OTUB2: variants seen among roughly 807,000 people sequenced by gnomAD.
OTUB2 encodes the protein OTU deubiquitinase, ubiquitin aldehyde binding 2, also known as ubiquitin thioesterase OTUB2.
Under a neutral mutation model 25.1 loss-of-function variants are expected in OTUB2, and 21 were observed. The observed-to-expected ratio is 0.84, with a 90% confidence interval of 0.59 to 1.21. The LOEUF (loss-of-function observed/expected upper bound fraction) is 1.21. Among genes scored for constraint, OTUB2 ranks in the 50% most tolerant of loss-of-function variants. OTUB2 has a pLI of 0.00. For missense variants in OTUB2, 283 were observed against 298.0 expected (o/e 0.95, Z 0.37); for synonymous variants, 122 against 122.8 (o/e 0.99, Z 0.04).
intron 1 of OTUB2, 123 bp downstream of exon 1, chr14:94,026,663 C>G (rs1250018041): frequency 9.4e-6 from 10 of 1,066,210 alleles, no homozygotes; most frequent in Non-Finnish European, 1.2e-5. Flanking sequence ...CCAGCTCGCC[C>G]CCGCCGCTTT....
At chr14:94,033,707 G>A (rs1469397374) in intron 1 of OTUB2, among the ~76,000 whole-genome samples, 2 of 152,234 alleles carry the variant, frequency 1.3e-5, no homozygotes, top group Non-Finnish European at 2.9e-5. Flanking sequence ...CAGAGGGTGC[G>A]TGAGTGGGAA....
Position 94,046,349 on chromosome 14 carries a change from T to C in OTUB2, c.*427T>C, listed in dbSNP as rs1426788383. On this transcript the variant is annotated 3_prime_UTR_variant, in exon 6 of 6. Coordinates refer to ENST00000203664, the MANE Select transcript of OTUB2 (RefSeq NM_023112.4). The stretch of plus-strand genomic sequence containing the variant: ...GGTTAGCTGTCTTAACCCAAGTGAC[T>C]TACCAGGCCTACAAAAGAGTCCAGT... 1 of 228,982 alleles carries C rather than the reference T, an allele frequency of 4.4e-6. No individual in the cohort carries two copies. The highest frequency in any genetic ancestry group is 9.7e-5 in the East Asian group (1 of 10,272). The allele number at this position is 228,982 out of a possible 1,614,324, so 14.2% of individuals were successfully genotyped here.
At chr14:94,045,624 G>A in intron 5 of OTUB2, 92 bp from the exon 6 acceptor site, 5 of 1,282,310 alleles carry the variant, frequency 3.9e-6, no homozygotes, top group Non-Finnish European at 4.4e-6. Context: ...CACAGAGGCT[G>A]TGACCATGAC....
intron 5 of OTUB2, 52 bp from the exon 6 acceptor site, chr14:94,045,664 C>A: frequency 6.4e-6 from 10 of 1,569,058 alleles, no homozygotes; most frequent in Non-Finnish European, 8.7e-6. Flanking sequence ...CTCACTTGTC[C>A]TCTGCCAGGC....
chr14:94,043,869 T>G, intron 3 of OTUB2, 102 bp from the exon 4 acceptor site: 49 of 1,022,494 alleles, frequency 4.8e-5, no homozygotes, highest in Non-Finnish European at 6.8e-5. Flanking sequence ...GGACTAGAGA[T>G]GAGGTTGGTG....
chr14:94,037,665 ATT>A (rs34432698), intron 2 of OTUB2, among the ~76,000 whole-genome samples, 190 bp downstream of exon 2: 2 of 150,142 alleles, frequency 1.3e-5, no homozygotes, highest in African/African-American at 4.9e-5. Context: ...AAAAAAAAGG[ATT>A]TTTTTTTGTT....
At chr14:94,043,198 TG>T (rs1351114553) in intron 3 of OTUB2, among the ~76,000 whole-genome samples, 1 of 152,206 alleles carries the variant, frequency 6.6e-6, no homozygotes, top group African/African-American at 2.4e-5. Flanking sequence ...TGTATTCCCT[TG>T]TGAACCTTCT....
intron 1 of OTUB2, among the ~76,000 whole-genome samples, chr14:94,026,777 C>T (rs553622672): frequency 1.3e-5 from 2 of 152,310 alleles, no homozygotes; most frequent in East Asian, 1.9e-4. Flanking sequence ...GGCCCCGAGC[C>T]CCCGCCCCCA....
chr14:94,027,278 C>A (rs1159870927), intron 1 of OTUB2, among the ~76,000 whole-genome samples: 2 of 152,194 alleles, frequency 1.3e-5, no homozygotes, highest in Middle Eastern at 3.2e-3. Flanking sequence ...GGGCTTGAAC[C>A]CAGGCTCTGG....
At chr14:94,034,538 T>A (rs1885015601) in intron 1 of OTUB2, among the ~76,000 whole-genome samples, 1 of 152,232 alleles carries the variant, frequency 6.6e-6, no homozygotes, top group Non-Finnish European at 1.5e-5. Context: ...CCTGACCTTG[T>A]CAGTAGAATG....
rs760251668 is a variant in OTUB2, at chr14:94,037,461, C to G, written c.85C>G (p.Arg29Gly). 1.9e-6 allele frequency: 3 copies of G among 1,599,572 alleles called. No individual in the cohort carries two copies. The highest frequency in any genetic ancestry group is 2.6e-6 in the Non-Finnish European group (3 of 1,167,592). The part of the protein sequence containing the change: ...LRDHPENRIY[R>G]RKIEELSKRF... The stretch of plus-strand genomic sequence containing the variant: ...GGACCATCCTGAAAACAGGATTTAC[C>G]GGAGGAAAATCGAGGTGAGGCAGAG... Residue 29 changes from arginine to glycine, a missense_variant, in exon 2 of 6, where the codon CGG (arginine) becomes GGG (glycine). By Grantham distance (125) the Arg-to-Gly change is moderately radical. Transcript: ENST00000203664.
chr14:94,038,240 C>T (rs531546219), intron 2 of OTUB2, among the ~76,000 whole-genome samples: 21 of 152,220 alleles, frequency 1.4e-4, no homozygotes, highest in Non-Finnish European at 2.5e-4. Context: ...ATCCGAACGC[C>T]GCTGCGGGGC....
intron 3 of OTUB2, among the ~76,000 whole-genome samples, chr14:94,040,446 T>C (rs894578537): frequency 2.0e-5 from 3 of 152,228 alleles, no homozygotes; most frequent in Non-Finnish European, 4.4e-5. Context: ...GACCTCACTC[T>C]CTTGCTTACT....
chr14:94,036,592 C>T (rs989482715), intron 1 of OTUB2, among the ~76,000 whole-genome samples: 2 of 152,188 alleles, frequency 1.3e-5, no homozygotes, highest in African/African-American at 2.4e-5. Flanking sequence ...CTGCAGTTTC[C>T]TTCACCCTGA....
Position 94,033,760 on chromosome 14 carries a change from G to T in OTUB2, c.4-3620G>T, listed in dbSNP as rs534446755. ...GTGCGCTTGTTTTTCAGTATTACCT[G>T]TTTGTCCTCTTACCATCCACACAAG... On this transcript the variant is annotated intron_variant, in intron 1 of 5. Transcript: ENST00000203664. Among the ~76,000 whole-genome samples the T allele has an allele frequency of 3.5e-3, 540 of 152,306 alleles. 6 individuals carry two copies. The highest frequency in any genetic ancestry group is 0.012 in the African/African-American group (514 of 41,560).
chr14:94,027,796 G>A (rs1595364084), intron 1 of OTUB2, among the ~76,000 whole-genome samples: 3 of 152,350 alleles, frequency 2.0e-5, no homozygotes, highest in Admixed American at 2.0e-4. Flanking sequence ...TGCCAAGCCA[G>A]CCTGCTGCCT....
intron 1 of OTUB2, among the ~76,000 whole-genome samples, chr14:94,026,794 C>T (rs1347584283): frequency 6.6e-6 from 1 of 152,204 alleles, no homozygotes; most frequent in Non-Finnish European, 1.5e-5. Flanking sequence ...CCCAGCGTGT[C>T]CGCCCCAGGT....
chr14:94,039,160 T>C, intron 3 of OTUB2, 79 bp downstream of exon 3: 1 of 1,143,012 alleles, frequency 8.7e-7, no homozygotes, highest in Non-Finnish European at 1.3e-6. Flanking sequence ...GAGGTTTTCG[T>C]TACACTCAGG....
rs899030806 is a variant in OTUB2, at chr14:94,048,440, G to C, written c.*2518G>C. On this transcript the variant is annotated 3_prime_UTR_variant, in exon 6 of 6. Coordinates refer to ENST00000203664, the MANE Select transcript of OTUB2 (RefSeq NM_023112.4). ...TGAGAGCTCTGGAGCCAGAATGCCA[G>C]GGTTCTAACTTCAGCATTCACTTAC... 4.6e-5 allele frequency: 7 copies of C among 152,220 alleles called. No individual in the cohort carries two copies. Among genetic ancestry groups the C allele is most frequent in the Admixed American group, 3.3e-4 (5 of 15,282 alleles). The allele number at this position is 152,220 out of a possible 1,614,324, so 9.4% of individuals were successfully genotyped here.
Sources: gnomAD v4.1 joint callset for allele counts (sites outside exome capture counted in the v4.1 genomes callset) on GRCh38, gnomAD v4.1.1 for gene constraint, MANE v1.5 for transcripts, NCBI Gene and HGNC (gene_info 2026-07-23, HGNC 2026-07-21) for gene names.